Variants in ULK4 observed in about 807,000 individuals in gnomAD.
The protein encoded by ULK4 is inactive serine/threonine-protein kinase ULK4.
ULK4 carries 133 observed loss-of-function variants against 160.6 expected under a neutral mutation model. That is an observed-to-expected ratio of 0.83 (90% CI 0.72 to 0.96). The LOEUF is 0.96. Ranked by LOEUF, ULK4 falls within the 40% of genes least tolerant of loss-of-function variation. ULK4 has a pLI of 0.00. For missense variants in ULK4, 1,580 were observed against 1,499.5 expected (o/e 1.05, Z -0.89); for synonymous variants, 534 against 539.8 (o/e 0.99, Z 0.15).
intron 18 of ULK4, among the ~76,000 whole-genome samples, chr3:41,825,963 C>A (rs553895189): frequency 6.6e-6 from 1 of 152,138 alleles, no homozygotes; most frequent in East Asian, 1.9e-4. Flanking sequence ...CGGATCTCTT[C>A]GCAAAAACTC....
chr3:41,646,675 A>G (rs946150037), intron 30 of ULK4, among the ~76,000 whole-genome samples: 3 of 151,996 alleles, frequency 2.0e-5, no homozygotes, highest in African/African-American at 7.2e-5. Flanking sequence ...TGTGTCTTGG[A>G]GTTGCTCTTC....
At chr3:41,579,121 T>A (rs1159126941) in intron 31 of ULK4, among the ~76,000 whole-genome samples, 1 of 152,112 alleles carries the variant, frequency 6.6e-6, no homozygotes, top group African/African-American at 2.4e-5. Context: ...CTTTGAACAA[T>A]GGAATGAGGA....
intron 27 of ULK4, among the ~76,000 whole-genome samples, chr3:41,690,257 C>G (rs1263444880): frequency 6.6e-6 from 1 of 150,848 alleles, no homozygotes; most frequent in Non-Finnish European, 1.5e-5. Context: ...CACATGGACA[C>G]AGGAAGGGGA....
intron 30 of ULK4, among the ~76,000 whole-genome samples, chr3:41,625,655 C>T (rs930251225): frequency 1.8e-4 from 28 of 152,178 alleles, no homozygotes; most frequent in African/African-American, 6.8e-4. Context: ...AAAATAATGA[C>T]GCAAAAGACT....
intron 31 of ULK4, among the ~76,000 whole-genome samples, chr3:41,581,173 T>A (rs2030298895): frequency 6.6e-6 from 1 of 152,010 alleles, no homozygotes; most frequent in African/African-American, 2.4e-5. Context: ...CTTTCTTCAC[T>A]CCCCCAAGGA....
chr3:41,790,244 A>C (rs2040110494), intron 20 of ULK4, among the ~76,000 whole-genome samples: 2 of 152,252 alleles, frequency 1.3e-5, no homozygotes, highest in Non-Finnish European at 2.9e-5. Flanking sequence ...TAAATATCTG[A>C]AGATTACCTC....
At chr3:41,936,621 T>G (rs1699783168) in intron 3 of ULK4, among the ~76,000 whole-genome samples, 1 of 152,144 alleles carries the variant, frequency 6.6e-6, no homozygotes, top group Non-Finnish European at 1.5e-5. Context: ...AACAACACAG[T>G]TGGAACTGGA....
chr3:41,675,710 A>C (rs532149179), intron 29 of ULK4, among the ~76,000 whole-genome samples: 1 of 152,330 alleles, frequency 6.6e-6, no homozygotes, highest in East Asian at 1.9e-4. Context: ...ACACAGAGAT[A>C]AAAGGGAGAA....
At position 41,715,444 on chromosome 3, in the gene ULK4, T is replaced by C; in HGVS notation, c.2577+3A>G. 3 of 1,614,156 alleles carry C rather than the reference T, an allele frequency of 1.9e-6. No individual in the cohort carries two copies. In the South Asian group the frequency reaches 3.3e-5, roughly 18 times the overall value. On this transcript the variant is annotated splice_donor_region_variant and intron_variant, in intron 24 of 36. Coordinates refer to ENST00000301831, the MANE Select transcript of ULK4 (RefSeq NM_017886.4). ...ATCCTTTTCCTCCTCAATACAATAG[T>C]ACCTGTGAAGTTACGAGGTGAAGCA...
At chr3:41,321,347 C>G (rs1424782653) in intron 35 of ULK4, among the ~76,000 whole-genome samples, 1 of 152,174 alleles carries the variant, frequency 6.6e-6, no homozygotes, top group African/African-American at 2.4e-5. Flanking sequence ...ACTGCAATGA[C>G]TATAGTACCC....
chr3:41,386,100 T>A (rs532338450), intron 35 of ULK4, among the ~76,000 whole-genome samples: 3 of 152,216 alleles, frequency 2.0e-5, no homozygotes, highest in Non-Finnish European at 4.4e-5. Context: ...TCATGTATTA[T>A]ATCTTCAGCA....
intron 32 of ULK4, among the ~76,000 whole-genome samples, chr3:41,530,014 T>C (rs1432530131): frequency 6.6e-6 from 1 of 152,160 alleles, no homozygotes; most frequent in Non-Finnish European, 1.5e-5. Flanking sequence ...TGGGATTTTT[T>C]GCAGAGATGA....
chr3:41,702,036 G>A (rs1434362153), intron 27 of ULK4, among the ~76,000 whole-genome samples: 1 of 152,122 alleles, frequency 6.6e-6, no homozygotes, highest in Admixed American at 6.5e-5. Context: ...AAAGAATATA[G>A]TAGAATGAAA....
At chr3:41,549,722 G>A (rs2086993817) in intron 32 of ULK4, among the ~76,000 whole-genome samples, 1 of 151,964 alleles carries the variant, frequency 6.6e-6, no homozygotes, top group African/African-American at 2.4e-5. Flanking sequence ...ACCCAAAAAG[G>A]TCTTCTCTAA....
intron 17 of ULK4, among the ~76,000 whole-genome samples, chr3:41,858,147 GT>G (rs71288052): frequency 6.7e-4 from 62 of 92,126 alleles, no homozygotes; most frequent in South Asian, 3.8e-3. Context: ...TTTTTTGTTT[GT>G]TTTTTTTTTT....
intron 32 of ULK4, among the ~76,000 whole-genome samples, chr3:41,531,605 T>C (rs1302493577): frequency 6.6e-6 from 1 of 152,118 alleles, no homozygotes; most frequent in African/African-American, 2.4e-5. Context: ...ATGTAAGATA[T>C]TACAAAAGAC....
intron 32 of ULK4, among the ~76,000 whole-genome samples, chr3:41,485,308 C>T (rs1021044801): frequency 2.0e-5 from 3 of 152,164 alleles, no homozygotes; most frequent in African/African-American, 7.2e-5. Flanking sequence ...AAAAAACCAA[C>T]AACACCCAGG....
At chr3:41,910,480 GC>G in intron 11 of ULK4, among the ~76,000 whole-genome samples, 1 of 152,062 alleles carries the variant, frequency 6.6e-6, no homozygotes, top group East Asian at 1.9e-4. Context: ...TGTAGTCCCA[GC>G]TACTCTCGGG....
At position 41,602,009 on chromosome 3, in the gene ULK4, C is replaced by T. The variant is rs568680197; in HGVS notation, c.3120+13660G>A. 1.1e-4 allele frequency among the ~76,000 whole-genome samples: 17 copies of T among 152,164 alleles called. No homozygotes were observed. The East Asian group carries it at 3.1e-3, about 28-fold the overall frequency. On this transcript the variant is annotated intron_variant, in intron 31 of 36. Coordinates refer to ENST00000301831, the MANE Select transcript of ULK4 (RefSeq NM_017886.4). Reference sequence around the variant, plus strand: ...AGGAGTTCAATACCAGGCTGGGCAACATAGTGAGACCCTGTCTCTACAAAA... The same window carrying T: ...AGGAGTTCAATACCAGGCTGGGCAATATAGTGAGACCCTGTCTCTACAAAA...
Sources: allele counts gnomAD v4.1 joint callset (sites outside exome capture counted in the v4.1 genomes callset), GRCh38; gene constraint gnomAD v4.1.1; transcripts MANE v1.5; gene names NCBI Gene and HGNC (gene_info 2026-07-23, HGNC 2026-07-21).